RTL1: variants seen among roughly 807,000 people sequenced by gnomAD.
The protein encoded by RTL1 is retrotransposon-like protein 1.
For synonymous variants in RTL1, 727 were observed against 748.4 expected (o/e 0.97, Z 0.47); for missense variants, 1,681 against 1,767.5 (o/e 0.95, Z 0.88).
In RTL1 at chr14:100,882,625, C is replaced by G; in HGVS notation, c.2164G>C (p.Asp722His). ...GAAAGCACAAAGAACCCTAGCATGT[C>G]CTTTAGGATGAAGTGAATCACGTTC... is the stretch of plus-strand genomic sequence containing the variant. ...PQNVIHFILK[D>H]MLGFFVLSYG... Residue 722 changes from aspartate to histidine, a missense_variant, in exon 4 of 4, where the codon GAC becomes CAC. Physicochemically the swap from Asp to His is moderately conservative, Grantham distance 81 (BLOSUM62 -1). Coordinates refer to ENST00000649591, the MANE Select transcript of RTL1 (RefSeq NM_001134888.3). 6.4e-7 allele frequency: 1 copy of G among 1,551,844 alleles called. No homozygotes were observed.
At chr14:100,885,773 C>A (rs1477249976) in intron 3 of RTL1, among the ~76,000 whole-genome samples, 2 of 152,170 alleles carry the variant, frequency 1.3e-5, no homozygotes, top group Non-Finnish European at 2.9e-5. Flanking sequence ...ACACATCTGG[C>A]CTCAATTTCA....
Position 100,882,419 on chromosome 14 carries a change from G to T in RTL1, c.2370C>A (p.Asn790Lys). Reference protein sequence around the residue: ...FVVTPKGVKLNKNVMTIITGY... With the variant: ...FVVTPKGVKLKKNVMTIITGY... Reference sequence around the variant, plus strand: ...CTGTTATGATGGTCATGACGTTCTTGTTCAGTTTCACCCCTTTGGGGGTGA... The same window carrying T: ...CTGTTATGATGGTCATGACGTTCTTTTTCAGTTTCACCCCTTTGGGGGTGA... Residue 790 changes from asparagine to lysine, a missense_variant, in exon 4 of 4, where the codon AAC becomes AAA. Asn to Lys is a moderately conservative substitution (Grantham distance 94, BLOSUM62 0). Coordinates refer to ENST00000649591, the MANE Select transcript of RTL1 (RefSeq NM_001134888.3). 1 of 1,552,054 alleles carries T rather than the reference G, an allele frequency of 6.4e-7. No homozygotes were observed.
At position 100,884,811 on chromosome 14, in the gene RTL1, A is replaced by G. The variant is rs571908650; in HGVS notation, c.-23T>C. On this transcript the variant is annotated 5_prime_UTR_variant, in exon 4 of 4. Transcript: ENST00000649591. ...CATTTCGTCGGATGGAAAGGAGTGTATTCTGAAGATTGGTAAGGTTGTGAT... is the reference window on the plus strand; with the variant it reads ...CATTTCGTCGGATGGAAAGGAGTGTGTTCTGAAGATTGGTAAGGTTGTGAT... 42 of 1,533,658 alleles carry G rather than the reference A, an allele frequency of 2.7e-5. No homozygotes were observed. In the East Asian group the frequency reaches 9.5e-4, roughly 35 times the overall value.
chr14:100,885,144 C>G (rs766614991), intron 3 of RTL1, among the ~76,000 whole-genome samples: 26 of 152,240 alleles, frequency 1.7e-4, no homozygotes, highest in Non-Finnish European at 3.8e-4. Context: ...AAATTCACAG[C>G]CCATAAATTC....
chr14:100,879,895 G>A lies in RTL1; in HGVS notation c.*817C>T, dbSNP rs921588457. ...ACTCGGCATGGTCCCCTGGGTGTCT[G>A]TGTGCCTTCTGGGACTCCATCCCTG... On this transcript the variant is annotated 3_prime_UTR_variant, in exon 4 of 4. Coordinates refer to ENST00000649591, the MANE Select transcript of RTL1 (RefSeq NM_001134888.3). Among the ~76,000 whole-genome samples, 1 of 151,946 alleles carries A rather than the reference G, an allele frequency of 6.6e-6. No individual in the cohort carries two copies. Among genetic ancestry groups the A allele is most frequent in the Non-Finnish European group, 1.5e-5 (1 of 67,998 alleles).
In RTL1 at chr14:100,881,072, G is replaced by C; in HGVS notation, c.3717C>G (p.Asp1239Glu). The change falls in exon 4 of 4, where the codon GAC becomes GAG. Residue 1239 changes from aspartate (D) to glutamate (E), a missense_variant. Coordinates refer to ENST00000649591, the MANE Select transcript of RTL1 (RefSeq NM_001134888.3). This position sits in a 1 kb window ranked among gnomAD's most constrained non-coding sequence, Gnocchi z 6.6. ...GGCCACACTGACGGTAACGTTGCAG[G>C]TCGTCTTGCAGGGCTTCTCGCAAGA... ...DVVLREALQD[D>E]LQRYRQCGLH... 1 of 1,602,464 alleles carries C rather than the reference G, an allele frequency of 6.2e-7. No homozygotes were observed. Among genetic ancestry groups the C allele is most frequent in the African/African-American group, 1.3e-5 (1 of 74,790 alleles).
Position 100,882,743 on chromosome 14 carries a change from G to A in RTL1, c.2046C>T (p.Thr682=), listed in dbSNP as rs771986931. The A allele has an allele frequency of 3.2e-6, 5 of 1,551,882 alleles. No individual in the cohort carries two copies. The South Asian group carries it at 4.8e-5, about 15-fold the overall frequency. ...IVEESVNGHR[T]EDVWKAAFGL... The stretch of plus-strand genomic sequence containing the variant: ...CAAACGCTGCTTTCCACACATCTTC[G>A]GTGCGGTGCCCGTTCACGCTTTCCT... Residue 682 remains threonine, a synonymous_variant, in exon 4 of 4, where the codon ACC becomes ACT. Coordinates refer to ENST00000649591, the MANE Select transcript of RTL1 (RefSeq NM_001134888.3).
Position 100,881,281 on chromosome 14 carries a change from G to T in RTL1, c.3508C>A (p.Pro1170Thr). 5 of 1,550,356 alleles carry T rather than the reference G, an allele frequency of 3.2e-6. No homozygotes were observed. Among genetic ancestry groups the T allele is most frequent in the Non-Finnish European group, 4.4e-6 (5 of 1,146,918 alleles). Residue 1170 changes from proline (P) to threonine (T), a missense_variant, in exon 4 of 4, where the codon CCT (proline) becomes ACT (threonine). Physicochemically the swap from Pro to Thr is conservative, Grantham distance 38. Coordinates refer to ENST00000649591, the MANE Select transcript of RTL1 (RefSeq NM_001134888.3). The surrounding 1 kb of genome is among the most constrained non-coding windows in gnomAD (Gnocchi z 6.6). Reference protein sequence around the residue: ...AQELAELFLGPGRWQRNALHS... With the variant: ...AQELAELFLGTGRWQRNALHS... ...AGAGCATTTCGCTGCCAGCGGCCAG[G>T]GCCCAGGAACAGCTCAGCCAGCTCC...
chr14:100,897,778 C>A, intron 2 of RTL1: 7 of 26,600 alleles, frequency 2.6e-4, no homozygotes, highest in African/African-American at 5.0e-4. Context: ...GGGTGGGGGG[C>A]GGGGGGGGGC....
In RTL1 at chr14:100,903,253, C is replaced by T. The variant is rs145876990; in HGVS notation, c.-149+38G>A. On this transcript the variant is annotated intron_variant, in intron 2 of 3. Coordinates refer to ENST00000649591, the MANE Select transcript of RTL1 (RefSeq NM_001134888.3). ...CATAGACTATGGGACAGACATCCATCCATGCACTCATTCTCCAAGCCACCA... is the reference window on the plus strand; with the variant it reads ...CATAGACTATGGGACAGACATCCATTCATGCACTCATTCTCCAAGCCACCA... 7.1e-3 allele frequency among the ~76,000 whole-genome samples: 1,077 copies of T among 152,248 alleles called. 3 individuals carry two copies. Among genetic ancestry groups the T allele is most frequent in the Non-Finnish European group, 0.012 (818 of 68,032 alleles).
At chr14:100,897,084 C>T (rs774228342) in intron 2 of RTL1, among the ~76,000 whole-genome samples, 1 of 152,146 alleles carries the variant, frequency 6.6e-6, no homozygotes, top group Non-Finnish European at 1.5e-5. Flanking sequence ...CACACACCTG[C>T]CAGCCCGATG....
chr14:100,888,023 TTAACTTAAAATATGTTTACAATCCA>T (rs1348966496), intron 3 of RTL1, among the ~76,000 whole-genome samples: 1 of 152,196 alleles, frequency 6.6e-6, no homozygotes, highest in Admixed American at 6.5e-5. Flanking sequence ...TCCAGATACC[TTAACTTAAAATATGTTTACAATCCA>T]GTTTCTCTGG....
chr14:100,883,742 A>G lies in RTL1; in HGVS notation c.1047T>C (p.Ser349=), dbSNP rs561785130. 12 of 1,551,526 alleles carry G rather than the reference A, an allele frequency of 7.7e-6. No individual in the cohort carries two copies. The South Asian group carries it at 1.4e-4, about 18-fold the overall frequency. The change falls in exon 4 of 4, where the codon AGT becomes AGC. Residue 349 remains serine, a synonymous_variant. Transcript: ENST00000649591. The surrounding 1 kb of genome is among the most constrained non-coding windows in gnomAD (Gnocchi z 5.9). ...FRVPQPDSLD[S]LIVLILQIEE... Reference sequence around the variant, plus strand: ...CTATTTGCAGGATGAGCACAATCAGACTGTCTAGGGAATCCGGCTGAGGGA... The same window carrying G: ...CTATTTGCAGGATGAGCACAATCAGGCTGTCTAGGGAATCCGGCTGAGGGA...
At position 100,884,165 on chromosome 14, in the gene RTL1, G is replaced by C; in HGVS notation, c.624C>G (p.Gly208=). ...TGAACTCGTGGAATTCTCTGCGATC[G>C]CCAGAGAAGTGCTTTGGGGCGGGCA... ...GQLPAPKHFS[G]DRREFHEFIV... Residue 208 remains glycine (G), a synonymous_variant, in exon 4 of 4, where the codon GGC becomes GGG. Transcript: ENST00000649591. 6.4e-7 allele frequency: 1 copy of C among 1,551,680 alleles called. No individual in the cohort carries two copies. The highest frequency in any genetic ancestry group is 8.7e-7 in the Non-Finnish European group (1 of 1,146,964).
intron 2 of RTL1, among the ~76,000 whole-genome samples, chr14:100,898,413 A>G (rs1465352449): frequency 6.6e-6 from 1 of 152,174 alleles, no homozygotes; most frequent in Non-Finnish European, 1.5e-5. Context: ...CCAGCTTCTT[A>G]GAGATGGGGT....
Position 100,880,770 on chromosome 14 carries a change from C to T in RTL1, c.4019G>A (p.Arg1340Lys), listed in dbSNP as rs1430189126. The change falls in exon 4 of 4, where the codon AGG (arginine) becomes AAG (lysine). Residue 1340 changes from arginine to lysine, a missense_variant. Arg to Lys is a conservative substitution (Grantham distance 26, BLOSUM62 2). Transcript: ENST00000649591. Reference protein sequence around the residue: ...LPIPAWESQPREQARLEELPD... With the variant: ...LPIPAWESQPKEQARLEELPD... ...CAGCTCTTCTAGCCTTGCCTGCTCCCTGGGCTGGCTCTCCCAGGCGGGGAT... is the reference window on the plus strand; with the variant it reads ...CAGCTCTTCTAGCCTTGCCTGCTCCTTGGGCTGGCTCTCCCAGGCGGGGAT... The T allele has an allele frequency of 6.4e-7, 1 of 1,550,840 alleles. No individual in the cohort carries two copies. The highest frequency in any genetic ancestry group is 2.4e-5 in the East Asian group (1 of 40,910).
chr14:100,899,480 G>A (rs940794694), intron 2 of RTL1, among the ~76,000 whole-genome samples: 8 of 152,166 alleles, frequency 5.3e-5, no homozygotes, highest in Admixed American at 1.3e-4. Context: ...AGGCTTTGGG[G>A]GAGAGGAGCT....
In RTL1 at chr14:100,893,456, C is replaced by T. The variant is rs540505674; in HGVS notation, c.-99G>A. Among the ~76,000 whole-genome samples, 40 of 152,300 alleles carry T rather than the reference C, an allele frequency of 2.6e-4. No individual in the cohort carries two copies. Among genetic ancestry groups the T allele is most frequent in the Admixed American group, 2.2e-3 (34 of 15,306 alleles). ...CCCCACATCTTACCTTGGCTGCAAG[C>T]GTTCAAGTGGATCTCCTCCCGTCCT... On this transcript the variant is annotated 5_prime_UTR_variant, in exon 3 of 4. Transcript: ENST00000649591. This position sits in a 1 kb window ranked among gnomAD's most constrained non-coding sequence, Gnocchi z 4.2.
chr14:100,894,145 A>T (rs1048107731), intron 2 of RTL1, among the ~76,000 whole-genome samples: 2 of 152,022 alleles, frequency 1.3e-5, no homozygotes, highest in African/African-American at 4.8e-5. Context: ...CCTTGTCTCT[A>T]CTAAAAATAC....
Sources: allele counts gnomAD v4.1 joint callset (sites outside exome capture counted in the v4.1 genomes callset), GRCh38; gene constraint gnomAD v4.1.1; non-coding constraint Gnocchi (gnomAD v3.1); transcripts MANE v1.5; gene names NCBI Gene and HGNC (gene_info 2026-07-23, HGNC 2026-07-21).